The following AGAP1 variants were observed in gnomAD, a reference collection of about 807,000 sequenced individuals.
The protein encoded by AGAP1 is ArfGAP with GTPase domain, ankyrin repeat and PH domain 1, also known as arf-GAP with GTPase, ANK repeat and PH domain-containing protein 1.
In AGAP1, 29 loss-of-function variants were observed where a neutral mutation model predicts 105.3. The ratio of observed to expected loss-of-function variants is 0.28; its 90% confidence interval spans 0.21 to 0.38. The LOEUF (loss-of-function observed/expected upper bound fraction) is 0.38. AGAP1 is among the 10% of genes least tolerant of loss of function. The pLI, the probability that AGAP1 is intolerant of heterozygous loss-of-function variation, is 1.00. For synonymous variants in AGAP1, 509 were observed against 485.9 expected (o/e 1.05, Z -0.63); for missense variants, 998 against 1,165.1 (o/e 0.86, Z 2.09).
At chr2:235,731,398 A>C (rs1294957660) in intron 3 of AGAP1, among the ~76,000 whole-genome samples, 1 of 152,206 alleles carries the variant, frequency 6.6e-6, no homozygotes, top group Non-Finnish European at 1.5e-5. Context: ...TCTTTTTCCT[A>C]GAGCCATTTG....
Position 235,686,624 on chromosome 2 carries a change from T to TAG in AGAP1, c.164-22554_164-22553insGA, listed in dbSNP as rs1559350471. Among the ~76,000 whole-genome samples, 4 of 33,324 alleles carry TAG rather than the reference T, an allele frequency of 1.2e-4. 1 individual carries two copies. Among genetic ancestry groups the TAG allele is most frequent in the African/African-American group, 2.7e-4 (2 of 7,428 alleles). 21.9% of individuals were successfully genotyped at this position (33,324 alleles called of 152,430 possible). On this transcript the variant is annotated intron_variant, in intron 1 of 17. Coordinates refer to ENST00000304032, the MANE Select transcript of AGAP1 (RefSeq NM_001037131.3). Reference sequence around the variant, plus strand: ...ATATATATACGTGGAGATATAGATATATATATATATATATATATATAGATA... The same window carrying TAG: ...ATATATATACGTGGAGATATAGATATAGATATATATATATATATATATAGATA...
At position 235,642,508 on chromosome 2, in the gene AGAP1, C is replaced by T. The variant is rs1391031808; in HGVS notation, c.164-66671C>T. ...TGGTTTTGCCAGCACTCCCAGTGGA[C>T]AGTCATGCCTGGACTTGTCTTCTCC... On this transcript the variant is annotated intron_variant, in intron 1 of 17. Transcript: ENST00000304032. This position sits in a 1 kb window ranked among gnomAD's most constrained non-coding sequence, Gnocchi z 4.1. Among the ~76,000 whole-genome samples, 1 of 152,180 alleles carries T rather than the reference C, an allele frequency of 6.6e-6. No homozygotes were observed. Among genetic ancestry groups the T allele is most frequent in the Admixed American group, 6.5e-5 (1 of 15,274 alleles).
In AGAP1 at chr2:235,693,000, G is replaced by A. The variant is rs1389521153; in HGVS notation, c.164-16179G>A. 1.3e-5 allele frequency among the ~76,000 whole-genome samples: 2 copies of A among 152,154 alleles called. No individual in the cohort carries two copies. Among genetic ancestry groups the A allele is most frequent in the Non-Finnish European group, 2.9e-5 (2 of 68,024 alleles). ...TGTGGCCTGCAGGCCAGTGGCTGAG[G>A]CCCAGTGTGGACTGTAGAGTGTCAG... On this transcript the variant is annotated intron_variant, in intron 1 of 17. Coordinates refer to ENST00000304032, the MANE Select transcript of AGAP1 (RefSeq NM_001037131.3). This position sits in a 1 kb window ranked among gnomAD's most constrained non-coding sequence, Gnocchi z 5.8.
rs1200927776 is a variant in AGAP1, at chr2:235,686,665, A to ATTTTTT, written c.164-22504_164-22499dup. Among the ~76,000 whole-genome samples, 237 of 77,418 alleles carry ATTTTTT rather than the reference A, an allele frequency of 3.1e-3. 9 individuals are homozygous for ATTTTTT. Among genetic ancestry groups the ATTTTTT allele is most frequent in the East Asian group, 0.014 (31 of 2,198 alleles). 50.8% of individuals were successfully genotyped at this position (77,418 alleles called of 152,430 possible). Reference sequence around the variant, plus strand: ...TATATAGATATATATATATATATATATTTTTTTTTTTTTTTAGACAGAGTC... The same window carrying ATTTTTT: ...TATATAGATATATATATATATATATATTTTTTTTTTTTTTTTTTTTTAGACAGAGTC... On this transcript the variant is annotated intron_variant, in intron 1 of 17. Coordinates refer to ENST00000304032, the MANE Select transcript of AGAP1 (RefSeq NM_001037131.3).
chr2:235,825,504 A>ATCAT (rs1420797336), intron 9 of AGAP1, among the ~76,000 whole-genome samples: 1 of 152,196 alleles, frequency 6.6e-6, no homozygotes, highest in Non-Finnish European at 1.5e-5. Context: ...GCATATAAAT[A>ATCAT]TCATTATGCT....
chr2:235,584,782 T>A (rs1489966285), intron 1 of AGAP1, among the ~76,000 whole-genome samples: 1 of 152,062 alleles, frequency 6.6e-6, no homozygotes, highest in African/African-American at 2.4e-5. Context: ...TCTGAGTACC[T>A]GTTTGCCGCT....
intron 16 of AGAP1, among the ~76,000 whole-genome samples, chr2:236,117,700 C>T (rs182364562): frequency 4.1e-4 from 63 of 152,272 alleles, no homozygotes; most frequent in East Asian, 7.7e-4. Flanking sequence ...CATCCTTCAC[C>T]GTCATCCCTT....
intron 12 of AGAP1, among the ~76,000 whole-genome samples, chr2:235,942,482 A>T (rs1264741112): frequency 6.6e-6 from 1 of 152,134 alleles, no homozygotes; most frequent in East Asian, 1.9e-4. Context: ...GTTTGAGATC[A>T]GCCTGACCAA....
chr2:235,556,519 C>T lies in AGAP1; in HGVS notation c.163+61670C>T, dbSNP rs1943979113. On this transcript the variant is annotated intron_variant, in intron 1 of 17. Coordinates refer to ENST00000304032, the MANE Select transcript of AGAP1 (RefSeq NM_001037131.3). This position sits in a 1 kb window ranked among gnomAD's most constrained non-coding sequence, Gnocchi z 5.3. Reference sequence around the variant, plus strand: ...TCAGCAGAGGGCCATGAGTGCCTAACCGTTTACCTGTTTTCTGCTCTGACC... The same window carrying T: ...TCAGCAGAGGGCCATGAGTGCCTAATCGTTTACCTGTTTTCTGCTCTGACC... Among the ~76,000 whole-genome samples the T allele has an allele frequency of 6.6e-6, 1 of 152,318 alleles. No homozygotes were observed. The highest frequency in any genetic ancestry group is 2.1e-4 in the South Asian group (1 of 4,826).
intron 9 of AGAP1, among the ~76,000 whole-genome samples, chr2:235,840,236 G>C (rs1018146530): frequency 1.3e-5 from 2 of 152,056 alleles, no homozygotes; most frequent in African/African-American, 4.8e-5. Flanking sequence ...CAGCCTCTGT[G>C]CATTCTGATG....
chr2:235,519,227 C>G (rs1379524185), intron 1 of AGAP1, among the ~76,000 whole-genome samples: 1 of 152,034 alleles, frequency 6.6e-6, no homozygotes, highest in Admixed American at 6.6e-5. Context: ...CGCACACCAC[C>G]ACACCTGGCT....
rs946884443 is a variant in AGAP1 at position 235,877,034 on chromosome 2, G to A, written c.1051-6311G>A. On this transcript the variant is annotated intron_variant, in intron 9 of 17. Transcript: ENST00000304032. This position sits in a 1 kb window ranked among gnomAD's most constrained non-coding sequence, Gnocchi z 4.3. The stretch of plus-strand genomic sequence containing the variant: ...GGCTAATTTTTGTATTTTTAGTAGA[G>A]TTGGGGCTTCACCATTTGGTCAGGC... Among the ~76,000 whole-genome samples, 1 of 151,900 alleles carries A rather than the reference G, an allele frequency of 6.6e-6. No individual in the cohort carries two copies. The highest frequency in any genetic ancestry group is 2.4e-5 in the African/African-American group (1 of 41,346).
intron 1 of AGAP1, among the ~76,000 whole-genome samples, chr2:235,508,405 C>G (rs1224904567): frequency 6.6e-6 from 1 of 152,224 alleles, no homozygotes; most frequent in Non-Finnish European, 1.5e-5. Context: ...GGAATTCTCT[C>G]CGCAGTTCGC....
In AGAP1 at chr2:235,701,201, C is replaced by G. The variant is rs956189120; in HGVS notation, c.164-7978C>G. On this transcript the variant is annotated intron_variant, in intron 1 of 17. Coordinates refer to ENST00000304032, the MANE Select transcript of AGAP1 (RefSeq NM_001037131.3). The surrounding 1 kb of genome is among the most constrained non-coding windows in gnomAD (Gnocchi z 4.1). ...TATATGGGGGGGTGGAAATCACTAT[C>G]CTCTAAGAAGTTACAAACCTGCAAA... 4.6e-5 allele frequency among the ~76,000 whole-genome samples: 7 copies of G among 151,454 alleles called. No individual in the cohort carries two copies. The highest frequency in any genetic ancestry group is 8.8e-5 in the Non-Finnish European group (6 of 67,950).
Position 235,740,325 on chromosome 2 carries a change from GC to G in AGAP1, c.311-637del, listed in dbSNP as rs1952506933. On this transcript the variant is annotated intron_variant, in intron 3 of 17. Coordinates refer to ENST00000304032, the MANE Select transcript of AGAP1 (RefSeq NM_001037131.3). The surrounding 1 kb of genome is among the most constrained non-coding windows in gnomAD (Gnocchi z 5.7). ...TCCTGCAGGGTCCCGGTGGTCTCCC[GC>G]TAACCCCGCGTGGTCTCTAACGCCT... Among the ~76,000 whole-genome samples the G allele has an allele frequency of 6.6e-6, 1 of 151,840 alleles. No individual in the cohort carries two copies. The highest frequency in any genetic ancestry group is 1.5e-5 in the Non-Finnish European group (1 of 67,940).
At position 235,716,915 on chromosome 2, in the gene AGAP1, C is replaced by T. The variant is rs146156386; in HGVS notation, c.223-642C>T. Among the ~76,000 whole-genome samples the T allele has an allele frequency of 2.4e-3, 370 of 152,140 alleles. 4 individuals are homozygous for T. The highest frequency in any genetic ancestry group is 0.02 in the East Asian group (102 of 5,132). ...GGGTCGCCTTCTAATCCAGCACAAA[C>T]GAGCACCTTTGCCGTCTCTCCCAGC... On this transcript the variant is annotated intron_variant, in intron 2 of 17. Transcript: ENST00000304032. The surrounding 1 kb of genome is among the most constrained non-coding windows in gnomAD (Gnocchi z 4.0).
chr2:235,948,102 T>C (rs1183968947), intron 12 of AGAP1, among the ~76,000 whole-genome samples: 3 of 150,546 alleles, frequency 2.0e-5, no homozygotes, highest in Non-Finnish European at 2.9e-5. Flanking sequence ...TTACCTGTTT[T>C]ACCTGTTCCA....
At chr2:235,928,546 G>A (rs1249397096) in intron 11 of AGAP1, among the ~76,000 whole-genome samples, 1 of 152,210 alleles carries the variant, frequency 6.6e-6, no homozygotes, top group Non-Finnish European at 1.5e-5. Context: ...GAAGCTAGAA[G>A]GTGCTGGAGC....
chr2:235,650,408 C>T (rs551787837), intron 1 of AGAP1, among the ~76,000 whole-genome samples: 4 of 152,258 alleles, frequency 2.6e-5, no homozygotes, highest in African/African-American at 7.2e-5. Flanking sequence ...TCTGTCCTTA[C>T]GTCCTTCCAT....
Sources: allele counts gnomAD v4.1 joint callset (sites outside exome capture counted in the v4.1 genomes callset), GRCh38; gene constraint gnomAD v4.1.1; non-coding constraint Gnocchi (gnomAD v3.1); transcripts MANE v1.5; gene names NCBI Gene and HGNC (gene_info 2026-07-23, HGNC 2026-07-21).